BEND6: variants seen among roughly 807,000 people sequenced by gnomAD.
BEND6 encodes BEN domain containing 6.
In BEND6, 24 loss-of-function variants were observed where a neutral mutation model predicts 31.8. The observed-to-expected ratio is 0.75, with a 90% CI of 0.55 to 1.06. The LOEUF (loss-of-function observed/expected upper bound fraction) is 1.06, where lower values mean the gene tolerates loss of function less well. Ranked by LOEUF, BEND6 falls within the 50% of genes least tolerant of loss-of-function variation. The pLI is 0.00. For missense variants in BEND6, 294 were observed against 327.4 expected, an observed-to-expected ratio of 0.90 and a Z score of 0.79; for synonymous variants, 109 against 114.6, an observed-to-expected ratio of 0.95 and a Z score of 0.31.
rs5876528 is a variant in BEND6, at chr6:57,015,641, C to CA, written c.519+302dup. Among the ~76,000 whole-genome samples, 1,040 of 130,632 alleles carry CA rather than the reference C, an allele frequency of 8.0e-3. 16 individuals are homozygous for CA. Among genetic ancestry groups the CA allele is most frequent in the African/African-American group, 0.023 (784 of 34,796 alleles). The allele number at this position is 130,632 out of a possible 152,430, so 85.7% of individuals were successfully genotyped here. A position where few individuals can be genotyped will look rare whatever the true frequency, so the allele number is the denominator to read the frequency against. On this transcript the variant is annotated intron_variant, in intron 4 of 6. Transcript: ENST00000370746. ...TGAAATCCCCTCTCTACTAAAAATA[C>CA]AAAAAAAAAAAAAATTAACCGGACG...
rs2127832828 is a variant in BEND6, at chr6:56,955,477, G to A, written c.-101+17G>A. ...TGCAGCCGGGTGAGCTATTGCTTGT[G>A]GGGGTTTCCTCGCACTCTGAAGCGC... On this transcript the variant is annotated intron_variant, in intron 1 of 6. Coordinates refer to ENST00000370746, the MANE Select transcript of BEND6 (RefSeq NM_152731.3). The A allele has an allele frequency of 6.6e-6, 1 of 152,450 alleles. No homozygotes were observed. The highest frequency in any genetic ancestry group is 1.9e-4 in the East Asian group (1 of 5,162). The allele number at this position is 152,450 out of a possible 1,614,324, so 9.4% of individuals were successfully genotyped here. A position where few individuals can be genotyped will look rare whatever the true frequency, so the allele number is the denominator to read the frequency against.
intron 2 of BEND6, among the ~76,000 whole-genome samples, chr6:56,991,366 T>C (rs1299437723): frequency 2.0e-5 from 3 of 152,068 alleles, no homozygotes; most frequent in Admixed American, 6.6e-5. Context: ...CTGGAGGTTT[T>C]TTTTTTTTAA....
chr6:56,965,257 G>A (rs1562534468), intron 1 of BEND6, among the ~76,000 whole-genome samples: 1 of 152,030 alleles, frequency 6.6e-6, no homozygotes, highest in Non-Finnish European at 1.5e-5. Flanking sequence ...GAAATGATTG[G>A]TAACAGGTAA....
At chr6:56,959,407 C>A (rs1202447506) in intron 1 of BEND6, among the ~76,000 whole-genome samples, 1 of 152,178 alleles carries the variant, frequency 6.6e-6, no homozygotes, top group Non-Finnish European at 1.5e-5. Flanking sequence ...GGTAATCACA[C>A]AAGGACATTA....
chr6:56,957,081 T>A (rs918039649), intron 1 of BEND6, among the ~76,000 whole-genome samples: 2 of 152,240 alleles, frequency 1.3e-5, no homozygotes, highest in African/African-American at 4.8e-5. Context: ...AGAATAGTAT[T>A]CAAATTGCCC....
chr6:57,002,957 G>A (rs1352511922), intron 3 of BEND6, among the ~76,000 whole-genome samples: 1 of 152,040 alleles, frequency 6.6e-6, no homozygotes, highest in East Asian at 1.9e-4. Context: ...CAGACTGCTA[G>A]CAAAATTAAC....
At chr6:56,968,316 T>TC (rs1825561787) in intron 1 of BEND6, among the ~76,000 whole-genome samples, 2 of 94,600 alleles carry the variant, frequency 2.1e-5, no homozygotes, top group African/African-American at 3.6e-5. Context: ...TCTTTTCTTT[T>TC]TTTTTTTTTT....
At chr6:56,975,138 T>TA (rs1037518091) in intron 1 of BEND6, among the ~76,000 whole-genome samples, 9 of 151,348 alleles carry the variant, frequency 5.9e-5, no homozygotes, top group African/African-American at 1.9e-4. Flanking sequence ...TAAAACAAAA[T>TA]AAAAAAAATA....
intron 3 of BEND6, chr6:57,008,200 T>G (rs1827227070): frequency 1.4e-6 from 1 of 702,974 alleles, no homozygotes. Context: ...GAGAGCTGCC[T>G]TAGACTCTCC....
At chr6:57,018,077 ATCAG>A (rs78430451) in intron 5 of BEND6, among the ~76,000 whole-genome samples, 8,719 of 152,276 alleles carry the variant, frequency 0.057, 383 homozygotes, top group East Asian at 0.18. Context: ...ACAGAAAAAG[ATCAG>A]TCAGAGTTTA....
In BEND6 at chr6:57,017,194, C is replaced by T; in HGVS notation, c.520-13C>T. 6.4e-7 allele frequency: 1 copy of T among 1,565,656 alleles called. No individual in the cohort carries two copies. ...TTTCTTTTTCCAACTTCAACTCTTTCTTATCTTTTTAGTTCCAGATTGAAA... is the reference window on the plus strand; with the variant it reads ...TTTCTTTTTCCAACTTCAACTCTTTTTTATCTTTTTAGTTCCAGATTGAAA... On this transcript the variant is annotated splice_polypyrimidine_tract_variant and intron_variant, in intron 4 of 6. Coordinates refer to ENST00000370746, the MANE Select transcript of BEND6 (RefSeq NM_152731.3).
intron 1 of BEND6, among the ~76,000 whole-genome samples, chr6:56,974,645 G>A (rs1035876912): frequency 1.3e-5 from 2 of 152,216 alleles, no homozygotes; most frequent in African/African-American, 4.8e-5. Flanking sequence ...ACAAATGACA[G>A]TGATGCAGCT....
chr6:56,999,968 C>T lies in BEND6; in HGVS notation c.298+7413C>T, dbSNP rs539686723. 3.3e-5 allele frequency among the ~76,000 whole-genome samples: 5 copies of T among 152,054 alleles called. No homozygotes were observed. In the South Asian group the frequency reaches 1.0e-3, roughly 32 times the overall value. ...TGCCCCGTCTGGGAGGTGAGGAGCG[C>T]CTCTGCCTGGCCACCCATCGTCTGG... On this transcript the variant is annotated intron_variant, in intron 3 of 6. Transcript: ENST00000370746.
rs1329691008 is a variant in BEND6, at chr6:56,955,237, T to C, written c.-324T>C. 6.6e-6 allele frequency: 1 copy of C among 151,968 alleles called. No individual in the cohort carries two copies. The highest frequency in any genetic ancestry group is 1.5e-5 in the Non-Finnish European group (1 of 67,990). 9.4% of individuals were successfully genotyped at this position (151,968 alleles called of 1,614,324 possible). ...CGGGGCCGCCCGCCAGTCCGCGCCGTCCGCGGGTGCATTGGCCGGGTGCCT... is the reference window on the plus strand; with the variant it reads ...CGGGGCCGCCCGCCAGTCCGCGCCGCCCGCGGGTGCATTGGCCGGGTGCCT... On this transcript the variant is annotated 5_prime_UTR_variant, in exon 1 of 7. Coordinates refer to ENST00000370746, the MANE Select transcript of BEND6 (RefSeq NM_152731.3).
chr6:57,000,310 A>T (rs1351569559), intron 3 of BEND6, among the ~76,000 whole-genome samples: 2 of 152,182 alleles, frequency 1.3e-5, no homozygotes, highest in African/African-American at 4.8e-5. Context: ...TCTCTGAAAC[A>T]TGTGCTGTGT....
chr6:57,018,423 G>C lies in BEND6; in HGVS notation c.715G>C (p.Val239Leu). 1.3e-6 allele frequency: 2 copies of C among 1,581,698 alleles called. No homozygotes were observed. The highest frequency in any genetic ancestry group is 1.7e-6 in the Non-Finnish European group (2 of 1,169,942). ...GTGTCGCTATTGGTTTTTTACAGGAGTAACAAAACAATTATTTCCCAATAC... is the reference window on the plus strand; with the variant it reads ...GTGTCGCTATTGGTTTTTTACAGGACTAACAAAACAATTATTTCCCAATAC... ...NQNEVQEIIGVTKQLFPNTDD... is the reference protein window; with the variant it reads ...NQNEVQEIIGLTKQLFPNTDD... Residue 239 changes from valine to leucine, a missense_variant and splice_region_variant, in exon 6 of 7, where the codon GTA (valine) becomes CTA (leucine). Coordinates refer to ENST00000370746, the MANE Select transcript of BEND6 (RefSeq NM_152731.3).
At chr6:56,978,479 A>G (rs1488184810) in intron 1 of BEND6, among the ~76,000 whole-genome samples, 6 of 152,116 alleles carry the variant, frequency 3.9e-5, no homozygotes, top group Admixed American at 3.9e-4. Context: ...GCCTCTATAA[A>G]TTTGACTACC....
chr6:56,996,433 C>T (rs987187976), intron 3 of BEND6, among the ~76,000 whole-genome samples: 5 of 151,930 alleles, frequency 3.3e-5, no homozygotes, highest in Non-Finnish European at 5.9e-5. Flanking sequence ...AGTGACATAG[C>T]GAGACTCTGT....
chr6:56,968,539 G>A (rs910680666), intron 1 of BEND6, among the ~76,000 whole-genome samples: 1 of 151,384 alleles, frequency 6.6e-6, no homozygotes, highest in African/African-American at 2.4e-5. Flanking sequence ...GCTCAGGCTG[G>A]TCTTAAATTC....
Sources: gnomAD v4.1 joint callset for allele counts (sites outside exome capture counted in the v4.1 genomes callset) on GRCh38, gnomAD v4.1.1 for gene constraint, MANE v1.5 for transcripts, NCBI Gene and HGNC (gene_info 2026-07-23, HGNC 2026-07-21) for gene names.